Variants in PBK observed in about 807,000 individuals in gnomAD.
PBK encodes the protein lymphokine-activated killer T-cell-originated protein kinase.
Under a neutral mutation model 33.5 loss-of-function variants are expected in PBK, and 22 were observed. The observed-to-expected ratio is 0.66, with a 90% CI of 0.47 to 0.94. PBK has a LOEUF of 0.94. PBK is among the 40% of genes least tolerant of loss of function. The pLI is 0.00. For missense variants in PBK, 376 were observed against 383.4 expected, an observed-to-expected ratio of 0.98 and a Z score of 0.16; for synonymous variants, 129 against 123.8, an observed-to-expected ratio of 1.04 and a Z score of -0.28.
intron 3 of PBK, among the ~76,000 whole-genome samples, chr8:27,824,689 T>C (rs1018738580): frequency 2.0e-5 from 3 of 152,150 alleles, no homozygotes; most frequent in Admixed American, 6.5e-5. Flanking sequence ...CATTCAATCT[T>C]ATACAAACTG....
intron 2 of PBK, 100 bp downstream of exon 2, chr8:27,832,956 T>C (rs1465247460): frequency 4.4e-6 from 3 of 683,192 alleles, no homozygotes; most frequent in Non-Finnish European, 7.4e-6. Context: ...CATTAAAGTT[T>C]CTAAGTGACC....
intron 3 of PBK, among the ~76,000 whole-genome samples, chr8:27,826,148 C>T (rs149510232): frequency 6.6e-6 from 1 of 152,004 alleles, no homozygotes; most frequent in African/African-American, 2.4e-5. Context: ...TAATTCTCAA[C>T]AGCAACAGTG....
Position 27,810,410 on chromosome 8 carries a change from T to C in PBK, c.864A>G (p.Glu288=). Residue 288 remains glutamate, a synonymous_variant, in exon 8 of 8, where the codon GAA becomes GAG. Coordinates refer to ENST00000301905, the MANE Select transcript of PBK (RefSeq NM_018492.4). The stretch of plus-strand genomic sequence containing the variant: ...AGAGTTCAATTACTTTCTGGTATGA[T>C]TCATCCAGTTCTTCCATATTAATAG... ...RPPINMEELD[E]SYQKVIELFS... The C allele has an allele frequency of 6.2e-7, 1 of 1,606,680 alleles. No homozygotes were observed. Among genetic ancestry groups the C allele is most frequent in the Non-Finnish European group, 8.5e-7 (1 of 1,173,258 alleles).
intron 4 of PBK, 39 bp from the exon 5 acceptor site, chr8:27,822,527 AG>A: frequency 7.1e-7 from 1 of 1,409,232 alleles, no homozygotes; most frequent in Non-Finnish European, 9.8e-7. Context: ...AATATAGAGA[AG>A]AACAATAATA....
intron 6 of PBK, among the ~76,000 whole-genome samples, chr8:27,813,705 C>G (rs1414447470): frequency 6.6e-6 from 1 of 152,094 alleles, no homozygotes; most frequent in Non-Finnish European, 1.5e-5. Flanking sequence ...CACGAAGCTT[C>G]CATTATGCAG....
intron 3 of PBK, 26 bp downstream of exon 3, chr8:27,828,079 A>C (rs775328742): frequency 3.8e-6 from 4 of 1,041,274 alleles, no homozygotes; most frequent in Non-Finnish European, 6.0e-6. Context: ...GCATGAAAAA[A>C]GGTTAATCTG....
chr8:27,824,846 T>C (rs1225046519), intron 3 of PBK, among the ~76,000 whole-genome samples: 1 of 152,206 alleles, frequency 6.6e-6, no homozygotes, highest in Non-Finnish European at 1.5e-5. Flanking sequence ...ATTAGCAAAC[T>C]GAATCCATCA....
intron 6 of PBK, among the ~76,000 whole-genome samples, chr8:27,817,325 C>T (rs1000087509): frequency 1.3e-5 from 2 of 152,102 alleles, no homozygotes; most frequent in East Asian, 3.9e-4. Flanking sequence ...GAAAGTTTCA[C>T]TGAACAGCAC....
rs2294092 is a variant in PBK at position 27,810,452 on chromosome 8, C to T, written c.822G>A (p.Ala274=). ...TATTAATAGGTGGCCTAGTTCCCAA[C>T]GCTGCATAGTATGCTTCATCATCAA... ...SDFDDEAYYA[A]LGTRPPINME... The change falls in exon 8 of 8, where the codon GCG becomes GCA. Residue 274 remains alanine (A), a synonymous_variant. Coordinates refer to ENST00000301905, the MANE Select transcript of PBK (RefSeq NM_018492.4). 6.2e-6 allele frequency: 10 copies of T among 1,608,562 alleles called. No homozygotes were observed. In the East Asian group the frequency reaches 1.6e-4, roughly 25 times the overall value.
intron 6 of PBK, among the ~76,000 whole-genome samples, chr8:27,815,845 A>G (rs1162053475): frequency 6.6e-6 from 1 of 152,212 alleles, no homozygotes; most frequent in African/African-American, 2.4e-5. Flanking sequence ...GCCCCCTGCC[A>G]CCTATGTTAG....
intron 6 of PBK, among the ~76,000 whole-genome samples, chr8:27,814,599 G>A (rs1460775917): frequency 1.3e-5 from 2 of 151,938 alleles, no homozygotes; most frequent in African/African-American, 4.8e-5. Flanking sequence ...ATGAACATAG[G>A]TCATTGATTT....
At chr8:27,830,167 C>T (rs1013214511) in intron 2 of PBK, among the ~76,000 whole-genome samples, 1 of 143,870 alleles carries the variant, frequency 7.0e-6, no homozygotes, top group African/African-American at 2.6e-5. Context: ...CGCACCATTG[C>T]ACTCCGGCCT....
chr8:27,823,775 A>G lies in PBK; in HGVS notation c.153-570T>C, dbSNP rs183947508. Among the ~76,000 whole-genome samples the G allele has an allele frequency of 5.1e-4, 77 of 152,178 alleles. 1 individual carries two copies. In the Middle Eastern group the frequency reaches 0.014, roughly 27 times the overall value. On this transcript the variant is annotated intron_variant, in intron 3 of 7. Coordinates refer to ENST00000301905, the MANE Select transcript of PBK (RefSeq NM_018492.4). The stretch of plus-strand genomic sequence containing the variant: ...CAAATGAGAAAATTTTAAACTTTCT[A>G]TTTTCTAGGAAGATTCAGCCATTTT...
chr8:27,836,349 C>T (rs1254435247), intron 1 of PBK, among the ~76,000 whole-genome samples: 1 of 151,880 alleles, frequency 6.6e-6, no homozygotes, highest in Non-Finnish European at 1.5e-5. Flanking sequence ...GTGACTTCTA[C>T]TCAACTGTAG....
chr8:27,820,566 A>G lies in PBK; in HGVS notation c.594T>C (p.Thr198=). 6.4e-7 allele frequency: 1 copy of G among 1,556,390 alleles called. No homozygotes were observed. The highest frequency in any genetic ancestry group is 1.2e-5 in the South Asian group (1 of 83,504). ...TTAAAACTTAAGAGTACAACTTACCAGTCATATTTTCATCCAGTGGTAGAG... is the reference window on the plus strand; with the variant it reads ...TTAAAACTTAAGAGTACAACTTACCGGTCATATTTTCATCCAGTGGTAGAG... The part of the protein sequence containing the change: ...GVSLPLDENM[T]VTDPEACYIG... The change falls in exon 6 of 8, where the codon ACT becomes ACC. Residue 198 remains threonine, a splice_region_variant and synonymous_variant. Transcript: ENST00000301905.
chr8:27,817,634 A>T (rs529000936), intron 6 of PBK, among the ~76,000 whole-genome samples: 23 of 151,302 alleles, frequency 1.5e-4, no homozygotes, highest in African/African-American at 4.9e-4. Flanking sequence ...AGGTTATTAT[A>T]AAAAAAATGC....
intron 4 of PBK, 22 bp from the exon 5 acceptor site, chr8:27,822,510 C>A (rs1278035196): frequency 1.3e-6 from 2 of 1,532,862 alleles, no homozygotes; most frequent in Non-Finnish European, 1.8e-6. Flanking sequence ...CATGACATTT[C>A]TTCACTAATA....
chr8:27,822,262 G>A, intron 5 of PBK, 57 bp downstream of exon 5: 1 of 1,244,622 alleles, frequency 8.0e-7, no homozygotes, highest in Non-Finnish European at 1.1e-6. Flanking sequence ...GTGATTATTT[G>A]TTCATTTAAA....
intron 1 of PBK, 90 bp from the exon 2 acceptor site, chr8:27,833,223 G>A (rs560393226): frequency 1.6e-5 from 10 of 635,196 alleles, no homozygotes; most frequent in Non-Finnish European, 2.7e-5. Context: ...CAGGCGCAGT[G>A]GATCATGCCT....
Sources: gnomAD v4.1 joint callset for allele counts (sites outside exome capture counted in the v4.1 genomes callset) on GRCh38, gnomAD v4.1.1 for gene constraint, MANE v1.5 for transcripts, NCBI Gene and HGNC (gene_info 2026-07-23, HGNC 2026-07-21) for gene names.